The following NAPEPLD variants were observed in gnomAD, a reference collection of about 807,000 sequenced individuals.
NAPEPLD encodes the protein N-acyl phosphatidylethanolamine phospholipase D.
NAPEPLD carries 23 observed loss-of-function variants against 38.1 expected under a neutral mutation model. The observed-to-expected ratio is 0.60, with a 90% CI of 0.43 to 0.86. The LOEUF (loss-of-function observed/expected upper bound fraction) is 0.86, where lower values mean the gene tolerates loss of function less well. Ranked by LOEUF, NAPEPLD falls within the 40% of genes least tolerant of loss-of-function variation. The pLI, the probability that NAPEPLD is intolerant of heterozygous loss-of-function variation, is 0.00. For synonymous variants in NAPEPLD, 147 were observed against 162.0 expected, an observed-to-expected ratio of 0.91 and a Z score of 0.71; for missense variants, 411 against 476.8, an observed-to-expected ratio of 0.86 and a Z score of 1.28.
At chr7:103,141,452 C>G in intron 1 of NAPEPLD, 1 of 991,174 alleles carries the variant, frequency 1.0e-6, no homozygotes, top group Non-Finnish European at 1.6e-6. Flanking sequence ...GGTCTTAGAT[C>G]TGCGGGCCTC....
At position 103,135,403 on chromosome 7, in the gene NAPEPLD, C is replaced by A. The variant is rs565868612; in HGVS notation, c.-16-6611G>T. Among the ~76,000 whole-genome samples the A allele has an allele frequency of 2.0e-5, 3 of 152,142 alleles. No homozygotes were observed. The South Asian group carries it at 6.2e-4, about 31-fold the overall frequency. Reference sequence around the variant, plus strand: ...ACATTCAATAAGATTCCAGGCAATACTGGTATTACTCCCAGAGGCATTTAG... The same window carrying A: ...ACATTCAATAAGATTCCAGGCAATAATGGTATTACTCCCAGAGGCATTTAG... On this transcript the variant is annotated intron_variant, in intron 1 of 4. Coordinates refer to ENST00000465647, the MANE Select transcript of NAPEPLD (RefSeq NM_001122838.3).
chr7:103,125,294 T>C (rs1425143632), intron 2 of NAPEPLD, among the ~76,000 whole-genome samples: 1 of 152,240 alleles, frequency 6.6e-6, no homozygotes, highest in Non-Finnish European at 1.5e-5. Flanking sequence ...TTGATATTTT[T>C]GCCATGTGTA....
chr7:103,131,338 AG>A (rs1808898364), intron 1 of NAPEPLD, among the ~76,000 whole-genome samples: 1 of 152,158 alleles, frequency 6.6e-6, no homozygotes, highest in African/African-American at 2.4e-5. Context: ...AACAACATCT[AG>A]TGGTCTAATG....
At chr7:103,110,287 AAG>A (rs1563347160) in intron 4 of NAPEPLD, among the ~76,000 whole-genome samples, 1 of 152,178 alleles carries the variant, frequency 6.6e-6, no homozygotes, top group African/African-American at 2.4e-5. Context: ...CACAACAAAA[AAG>A]AGAAAATTTC....
intron 4 of NAPEPLD, 43 bp from the exon 5 acceptor site, chr7:103,103,597 A>G (rs753138630): frequency 8.4e-6 from 13 of 1,551,490 alleles, no homozygotes; most frequent in Middle Eastern, 1.9e-4. Context: ...GATTAAACAT[A>G]TATTTGGGAG....
intron 1 of NAPEPLD, among the ~76,000 whole-genome samples, chr7:103,143,352 T>C (rs1338747438): frequency 6.6e-6 from 1 of 152,122 alleles, no homozygotes; most frequent in Non-Finnish European, 1.5e-5. Flanking sequence ...CCATAAAATC[T>C]AGTGTTCTTT....
chr7:103,129,201 G>A, intron 1 of NAPEPLD: 4 of 547,580 alleles, frequency 7.3e-6, no homozygotes, highest in South Asian at 8.0e-5. Flanking sequence ...GGAGGTGGAG[G>A]TTGTGGTGAG....
At chr7:103,127,504 AT>A (rs1172114779) in intron 2 of NAPEPLD, 1 of 152,224 alleles carries the variant, frequency 6.6e-6, no homozygotes, top group African/African-American at 2.4e-5. Context: ...AACAAGTGGG[AT>A]GCAGAAAACA....
chr7:103,124,372 C>T (rs1043877612), intron 2 of NAPEPLD, among the ~76,000 whole-genome samples: 1 of 151,850 alleles, frequency 6.6e-6, no homozygotes, highest in African/African-American at 2.4e-5. Context: ...GCAGGAGAAC[C>T]GCTTGAACCC....
In NAPEPLD at chr7:103,148,807, C is replaced by T; in HGVS notation, c.-17+4G>A. 1.0e-6 allele frequency: 1 copy of T among 985,256 alleles called. No homozygotes were observed. Among genetic ancestry groups the T allele is most frequent in the Non-Finnish European group, 1.2e-6 (1 of 829,886 alleles). 61.0% of individuals were successfully genotyped at this position (985,256 alleles called of 1,614,324 possible). On this transcript the variant is annotated splice_donor_region_variant and intron_variant, in intron 1 of 4. Transcript: ENST00000465647. ...TACATACAACCAAAAGAAGATAAAC[C>T]CACATGTATTCCTATCAGTGAAGAT...
chr7:103,115,638 T>G (rs1440393191), intron 3 of NAPEPLD, among the ~76,000 whole-genome samples: 1 of 151,808 alleles, frequency 6.6e-6, no homozygotes, highest in Non-Finnish European at 1.5e-5. Context: ...CCCAGGAGGG[T>G]TTTTGGCCTC....
At chr7:103,135,023 G>GA (rs1433103906) in intron 1 of NAPEPLD, among the ~76,000 whole-genome samples, 2 of 152,182 alleles carry the variant, frequency 1.3e-5, no homozygotes, top group Non-Finnish European at 2.9e-5. Context: ...AACAGCTAAA[G>GA]AAAAAAATCA....
intron 1 of NAPEPLD, among the ~76,000 whole-genome samples, chr7:103,138,470 G>GC (rs1201220314): frequency 1.9e-5 from 1 of 53,958 alleles, no homozygotes; most frequent in Non-Finnish European, 5.1e-5. Flanking sequence ...GAATTCTACA[G>GC]CCCTTTTTTT....
intron 1 of NAPEPLD, among the ~76,000 whole-genome samples, chr7:103,139,593 G>A (rs1810794863): frequency 6.6e-6 from 1 of 152,222 alleles, no homozygotes; most frequent in Non-Finnish European, 1.5e-5. Flanking sequence ...AAAGGGCGCT[G>A]ATGGCAACAG....
chr7:103,138,698 G>A (rs1417344528), intron 1 of NAPEPLD, among the ~76,000 whole-genome samples: 2 of 152,010 alleles, frequency 1.3e-5, no homozygotes, highest in African/African-American at 2.4e-5. Context: ...TTGAACTCCC[G>A]ACCTCAGGTG....
rs754999024 is a variant in NAPEPLD, at chr7:103,128,406, G to C, written c.294+77C>G. 9 of 1,506,846 alleles carry C rather than the reference G, an allele frequency of 6.0e-6. No homozygotes were observed. In the South Asian group the frequency reaches 1.1e-4, roughly 18 times the overall value. The allele number at this position is 1,506,846 out of a possible 1,614,324, so 93.3% of individuals were successfully genotyped here. ...CCTCAGACCTAATTCTATGCCTTAT[G>C]ATATACAAGGGCTCAAATAACTAGA... is the stretch of plus-strand genomic sequence containing the variant. On this transcript the variant is annotated intron_variant, in intron 2 of 4. Coordinates refer to ENST00000465647, the MANE Select transcript of NAPEPLD (RefSeq NM_001122838.3).
intron 1 of NAPEPLD, among the ~76,000 whole-genome samples, chr7:103,132,737 A>C (rs1323087048): frequency 6.6e-6 from 1 of 152,210 alleles, no homozygotes; most frequent in East Asian, 1.9e-4. Flanking sequence ...GTGAGCTGTT[A>C]TCATGCCACT....
chr7:103,139,618 AG>A (rs1322875369), intron 1 of NAPEPLD, among the ~76,000 whole-genome samples: 1 of 152,232 alleles, frequency 6.6e-6, no homozygotes, highest in Non-Finnish European at 1.5e-5. Context: ...GGTGATGGAA[AG>A]AAACAAAGTC....
chr7:103,145,438 T>C (rs1372323727), intron 1 of NAPEPLD, among the ~76,000 whole-genome samples: 3 of 152,182 alleles, frequency 2.0e-5, no homozygotes, highest in Admixed American at 6.5e-5. Context: ...TGAGGAAAGA[T>C]TGAGAAAGAA....
Sources: allele counts gnomAD v4.1 joint callset (sites outside exome capture counted in the v4.1 genomes callset), GRCh38; gene constraint gnomAD v4.1.1; transcripts MANE v1.5; gene names NCBI Gene and HGNC (gene_info 2026-07-23, HGNC 2026-07-21).